SVEP1: variants seen among roughly 807,000 people sequenced by gnomAD.
SVEP1 encodes the protein sushi, von Willebrand factor type A, EGF and pentraxin domain-containing protein 1.
In SVEP1, 164 loss-of-function variants were observed where a neutral mutation model predicts 367.3. That is an observed-to-expected ratio of 0.45 (90% confidence interval 0.39 to 0.51). SVEP1 has a LOEUF of 0.51. Among genes scored for constraint, SVEP1 ranks in the 20% least tolerant of loss-of-function variants. The pLI, the probability that SVEP1 is intolerant of heterozygous loss-of-function variation, is 0.00. For missense variants in SVEP1, 4,117 were observed against 4,425.3 expected, an observed-to-expected ratio of 0.93 and a Z score of 1.98; for synonymous variants, 1,666 against 1,611.6, an observed-to-expected ratio of 1.03 and a Z score of -0.81.
In SVEP1 at chr9:110,365,505, C is replaced by CTATT. The variant is rs761250239; in HGVS notation, c.*1030_*1033dup. The CTATT allele has an allele frequency of 1.3e-5, 2 of 152,198 alleles. No individual in the cohort carries two copies. The highest frequency in any genetic ancestry group is 1.9e-4 in the East Asian group (1 of 5,196). 9.4% of individuals were successfully genotyped at this position (152,198 alleles called of 1,614,324 possible). The stretch of plus-strand genomic sequence containing the variant: ...TGGAGGCAAGTTGATTCTGAGTTTC[C>CTATT]TATTTTAAAACAAAATCTAGGGTTT... On this transcript the variant is annotated 3_prime_UTR_variant, in exon 48 of 48. Coordinates refer to ENST00000374469, the MANE Select transcript of SVEP1 (RefSeq NM_153366.4).
chr9:110,552,309 C>T (rs1340697030), intron 1 of SVEP1, among the ~76,000 whole-genome samples: 2 of 152,124 alleles, frequency 1.3e-5, no homozygotes, highest in East Asian at 1.9e-4. Flanking sequence ...GGATTACAGG[C>T]GTGAGCCACC....
chr9:110,426,934 G>A (rs1179305828), intron 36 of SVEP1, among the ~76,000 whole-genome samples: 2 of 152,052 alleles, frequency 1.3e-5, no homozygotes, highest in Non-Finnish European at 2.9e-5. Flanking sequence ...TCATCTTTAT[G>A]TTATGACTTA....
chr9:110,506,564 T>C (rs1256829083), intron 5 of SVEP1, among the ~76,000 whole-genome samples: 1 of 152,190 alleles, frequency 6.6e-6, no homozygotes, highest in Non-Finnish European at 1.5e-5. Context: ...TCTTACCTTC[T>C]GGGATCACTC....
intron 36 of SVEP1, among the ~76,000 whole-genome samples, chr9:110,414,566 G>A (rs1828090665): frequency 6.6e-6 from 1 of 151,926 alleles, no homozygotes; most frequent in Non-Finnish European, 1.5e-5. Context: ...ACACATCTTA[G>A]GATAAACTGG....
Position 110,489,744 on chromosome 9 carries a change from A to C in SVEP1, c.1836T>G (p.Pro612=). The change falls in exon 9 of 48, where the codon CCT becomes CCG. Residue 612 remains proline, a synonymous_variant. Transcript: ENST00000374469. ...SVHVHPAFTP[P]YLFPIGDVAI... is the part of the protein sequence containing the mutation. The stretch of plus-strand genomic sequence containing the variant: ...CAACATCTCCAATTGGGAAAAGGTA[A>C]GGTGGGGTGAAAGCTGGATGAACGT... 6.2e-7 allele frequency: 1 copy of C among 1,613,478 alleles called. No individual in the cohort carries two copies. Among genetic ancestry groups the C allele is most frequent in the Non-Finnish European group, 8.5e-7 (1 of 1,179,548 alleles).
chr9:110,447,800 T>C (rs1202942044), intron 24 of SVEP1, among the ~76,000 whole-genome samples: 1 of 152,218 alleles, frequency 6.6e-6, no homozygotes, highest in Non-Finnish European at 1.5e-5. Flanking sequence ...CAAATGTTCA[T>C]AGCAGGATCA....
Position 110,389,537 on chromosome 9 carries a change from C to T in SVEP1, c.9873G>A (p.Val3291=), listed in dbSNP as rs1446475097. Reference sequence around the variant, plus strand: ...CATTCAACTCACCTTTGCATATTGCCACCCCTCCACTCCACTGTCTGTTCT... The same window carrying T: ...CATTCAACTCACCTTTGCATATTGCTACCCCTCCACTCCACTGTCTGTTCT... ...CQENRQWSGG[V]AICKETRCET... The change falls in exon 41 of 48, where the codon GTG becomes GTA. Residue 3291 remains valine (V), a synonymous_variant. Transcript: ENST00000374469. 9.9e-6 allele frequency: 16 copies of T among 1,613,502 alleles called. No homozygotes were observed. The highest frequency in any genetic ancestry group is 5.0e-5 in the Admixed American group (3 of 59,944).
rs530969047 is a variant in SVEP1, at chr9:110,384,446, C to T, written c.10237+1452G>A. 2.2e-4 allele frequency among the ~76,000 whole-genome samples: 29 copies of T among 133,112 alleles called. 1 individual carries two copies. The highest frequency in any genetic ancestry group is 3.7e-4 in the Admixed American group (5 of 13,514). 87.3% of individuals were successfully genotyped at this position (133,112 alleles called of 152,430 possible). ...TTTTGTTCTTCTCGGTGGGAGGCTC[C>T]GGCCACAGCTGTTTCTAGTTGGCCA... is the stretch of plus-strand genomic sequence containing the variant. On this transcript the variant is annotated intron_variant, in intron 43 of 47. Coordinates refer to ENST00000374469, the MANE Select transcript of SVEP1 (RefSeq NM_153366.4).
At chr9:110,531,375 T>C (rs1393587088) in intron 3 of SVEP1, among the ~76,000 whole-genome samples, 1 of 152,104 alleles carries the variant, frequency 6.6e-6, no homozygotes, top group East Asian at 1.9e-4. Context: ...GTTCCCATAG[T>C]CCCCACATGT....
intron 36 of SVEP1, among the ~76,000 whole-genome samples, chr9:110,426,295 C>T (rs1362124870): frequency 6.6e-6 from 1 of 152,194 alleles, no homozygotes; most frequent in Non-Finnish European, 1.5e-5. Flanking sequence ...TTTTCTACTC[C>T]TGTGAAGTAA....
At chr9:110,437,462 T>C (rs1214923946) in intron 27 of SVEP1, among the ~76,000 whole-genome samples, 1 of 152,182 alleles carries the variant, frequency 6.6e-6, no homozygotes, top group Non-Finnish European at 1.5e-5. Flanking sequence ...CTCACTTTAG[T>C]GATGCTACCT....
At position 110,411,671 on chromosome 9, in the gene SVEP1, G is replaced by A; in HGVS notation, c.6040C>T (p.Gln2014Ter). 1 of 1,604,834 alleles carries A rather than the reference G, an allele frequency of 6.2e-7. No individual in the cohort carries two copies. Among genetic ancestry groups the A allele is most frequent in the Non-Finnish European group, 8.5e-7 (1 of 1,175,650 alleles). ...TCACAGGAGACAGCCAGGCACTGCT[G>A]GTCACTTCTACTCCACTTGCCGTCG... is the stretch of plus-strand genomic sequence containing the variant. ...LADGKWSRSD[Q>*]QCLAVSCDEP... The change falls in exon 37 of 48, where the codon CAG (glutamine) becomes TAG (stop). Residue 2014 changes from glutamine (Q) to a stop codon, truncating the protein, a stop_gained. Coordinates refer to ENST00000374469, the MANE Select transcript of SVEP1 (RefSeq NM_153366.4). LOFTEE classifies it high-confidence loss of function.
intron 1 of SVEP1, among the ~76,000 whole-genome samples, chr9:110,560,402 C>T (rs975563102): frequency 6.6e-6 from 1 of 152,164 alleles, no homozygotes; most frequent in Admixed American, 6.6e-5. Flanking sequence ...TGTTGACTGT[C>T]TCCTAGTAGT....
At chr9:110,549,803 A>C in intron 2 of SVEP1, 46 bp downstream of exon 2, 1 of 1,602,238 alleles carries the variant, frequency 6.2e-7, no homozygotes, top group Non-Finnish European at 8.5e-7. Context: ...GAGGCAAGGA[A>C]GCCTCATTTA....
Position 110,377,258 on chromosome 9 carries a change from A to G in SVEP1, c.10504+13T>C. 6.2e-7 allele frequency: 1 copy of G among 1,612,010 alleles called. No individual in the cohort carries two copies. The highest frequency in any genetic ancestry group is 8.5e-7 in the Non-Finnish European group (1 of 1,178,438). ...TTGTCAGGACTCAAAGTAAGATCTGAAGAGCAACTCACGTTCTTCACAGAG... is the reference window on the plus strand; with the variant it reads ...TTGTCAGGACTCAAAGTAAGATCTGGAGAGCAACTCACGTTCTTCACAGAG... On this transcript the variant is annotated intron_variant, in intron 45 of 47. Transcript: ENST00000374469.
At chr9:110,575,821 A>G (rs576204420) in intron 1 of SVEP1, among the ~76,000 whole-genome samples, 1 of 152,328 alleles carries the variant, frequency 6.6e-6, no homozygotes, top group East Asian at 1.9e-4. Context: ...ACTGGATAAT[A>G]ATCCTCAAAT....
At chr9:110,473,375 G>A (rs1296750307) in intron 14 of SVEP1, among the ~76,000 whole-genome samples, 1 of 152,054 alleles carries the variant, frequency 6.6e-6, no homozygotes, top group African/African-American at 2.4e-5. Flanking sequence ...GAACATTTTA[G>A]GCAAGCTTTT....
At chr9:110,393,711 T>C (rs1008622172) in intron 40 of SVEP1, among the ~76,000 whole-genome samples, 6 of 152,194 alleles carry the variant, frequency 3.9e-5, no homozygotes, top group Admixed American at 6.5e-5. Flanking sequence ...GGAGATTATA[T>C]CCCGCACCTG....
At chr9:110,375,060 A>G in intron 46 of SVEP1, among the ~76,000 whole-genome samples, 1 of 152,130 alleles carries the variant, frequency 6.6e-6, no homozygotes, top group Non-Finnish European at 1.5e-5. Flanking sequence ...AGATTAAAAT[A>G]AGTATTATTC....
Sources: gnomAD v4.1 joint callset for allele counts (sites outside exome capture counted in the v4.1 genomes callset) on GRCh38, gnomAD v4.1.1 for gene constraint, MANE v1.5 for transcripts, NCBI Gene and HGNC (gene_info 2026-07-23, HGNC 2026-07-21) for gene names.